The following BCOR variants were observed in gnomAD, a reference collection of about 807,000 sequenced individuals.
BCOR encodes the protein BCL-6 corepressor.
BCOR carries 10 observed loss-of-function variants against 86.7 expected under a neutral mutation model. That is an observed-to-expected ratio of 0.12 (90% confidence interval 0.07 to 0.20). The LOEUF (loss-of-function observed/expected upper bound fraction) is 0.20. BCOR is among the 10% of genes least tolerant of loss of function. The pLI, the probability that BCOR is intolerant of heterozygous loss-of-function variation, is 1.00. For missense variants in BCOR, 1,259 were observed against 1,452.1 expected, an observed-to-expected ratio of 0.87 and a Z score of 2.16; for synonymous variants, 611 against 609.0, an observed-to-expected ratio of 1.00 and a Z score of -0.05.
In BCOR at chrX:40,063,174, A is replaced by G. The variant is rs188997953; in HGVS notation, c.3848-103T>C. 1.2e-5 allele frequency: 7 copies of G among 560,082 alleles called. No homozygotes were observed. In the East Asian group the frequency reaches 2.5e-4, roughly 20 times the overall value. The allele number at this position is 560,082 out of a possible 1,213,427, so 46.2% of individuals were successfully genotyped here. ...GTGCAGGAAGAAAAGCCCATTGTTA[A>G]CACTGATCACTGGAGCGGCTTCAGT... On this transcript the variant is annotated intron_variant, in intron 8 of 14. Coordinates refer to ENST00000378444, the MANE Select transcript of BCOR (RefSeq NM_001123385.2).
At chrX:40,158,315 G>A (rs1437165186) in intron 1 of BCOR, among the ~76,000 whole-genome samples, 1 of 112,120 alleles carries the variant, frequency 8.9e-6, no homozygotes, top group East Asian at 2.8e-4. Context: ...GGACGCGGGC[G>A]GCTGCGCACC....
intron 1 of BCOR, among the ~76,000 whole-genome samples, chrX:40,131,886 GCCCGCTAGTTATTCGACACTCTT>G (rs1395050604): frequency 9.0e-6 from 1 of 111,288 alleles, no homozygotes; most frequent in Non-Finnish European, 1.9e-5. Flanking sequence ...TTTTAAACAC[GCCCGCTAGTTATTCGACACTCTT>G]CCCACCAAGA....
chrX:40,155,965 C>T (rs970805766), intron 1 of BCOR, among the ~76,000 whole-genome samples: 1 of 112,604 alleles, frequency 8.9e-6, no homozygotes, highest in Non-Finnish European at 1.9e-5. Context: ...TCCAAGTTCC[C>T]CAGCTACAGA....
At chrX:40,175,139 C>T (rs1169801604) in intron 1 of BCOR, among the ~76,000 whole-genome samples, 1 of 109,198 alleles carries the variant, frequency 9.2e-6, no homozygotes, top group Admixed American at 9.6e-5. Flanking sequence ...GTCATTTTTT[C>T]CATCGGTCGG....
Position 40,074,262 on chromosome X carries a change from C to T in BCOR, c.1084G>A (p.Ala362Thr), listed in dbSNP as rs886041140. ...DTYSEFHKHYARISTSPSVAL... is the reference protein window; with the variant it reads ...DTYSEFHKHYTRISTSPSVAL... Reference sequence around the variant, plus strand: ...ACTGAAGGAGAGGTGGAGATCCTGGCATAGTGCTTGTGGAACTCCGAGTAG... The same window carrying T: ...ACTGAAGGAGAGGTGGAGATCCTGGTATAGTGCTTGTGGAACTCCGAGTAG... Residue 362 changes from alanine (A) to threonine (T), a missense_variant, in exon 4 of 15, where the codon GCC (alanine) becomes ACC (threonine). Ala to Thr is a moderately conservative substitution (Grantham distance 58, BLOSUM62 0). Transcript: ENST00000378444. 1.7e-5 allele frequency: 21 copies of T among 1,210,612 alleles called. No homozygotes were observed. The highest frequency in any genetic ancestry group is 2.3e-5 in the Non-Finnish European group (21 of 895,330).
chrX:40,076,362 TC>T, intron 3 of BCOR, 91 bp downstream of exon 3: 1 of 750,997 alleles, frequency 1.3e-6, no homozygotes, highest in Non-Finnish European at 2.0e-6. Flanking sequence ...CCTCCCCCAT[TC>T]CCCACCCTTT....
At chrX:40,069,303 G>A (rs1935355067) in intron 6 of BCOR, among the ~76,000 whole-genome samples, 1 of 111,895 alleles carries the variant, frequency 8.9e-6, no homozygotes, top group Non-Finnish European at 1.9e-5. Flanking sequence ...CTCATTACCT[G>A]AGGAGCACTA....
chrX:40,155,622 G>T (rs949520328), intron 1 of BCOR, among the ~76,000 whole-genome samples: 4 of 110,688 alleles, frequency 3.6e-5, no homozygotes, highest in Non-Finnish European at 3.8e-5. Flanking sequence ...CCCTCCTGGC[G>T]CCTGGAAGTA....
chrX:40,117,549 T>C (rs1161720541), intron 1 of BCOR, among the ~76,000 whole-genome samples: 1 of 111,185 alleles, frequency 9.0e-6, no homozygotes, highest in Non-Finnish European at 1.9e-5. Context: ...GAATATGAAT[T>C]ATAATGTCAT....
chrX:40,164,815 A>C, intron 1 of BCOR, among the ~76,000 whole-genome samples: 1 of 112,663 alleles, frequency 8.9e-6, no homozygotes, highest in Non-Finnish European at 1.9e-5. Context: ...TACAAATCCC[A>C]CACCTTTTCA....
chrX:40,055,568 A>T lies in BCOR; in HGVS notation c.4596-55T>A, dbSNP rs1301489426. 12 of 1,187,043 alleles carry T rather than the reference A, an allele frequency of 1.0e-5. No homozygotes were observed. The African/African-American group carries it at 1.4e-4, about 14-fold the overall frequency. On this transcript the variant is annotated intron_variant, in intron 11 of 14. Coordinates refer to ENST00000378444, the MANE Select transcript of BCOR (RefSeq NM_001123385.2). ...TCATGCAAGCCACACTTGCTTATAA[A>T]GCAGTTGTCTCCTTTAAAAGCAACA...
chrX:40,074,807 T>A lies in BCOR; in HGVS notation c.539A>T (p.Asn180Ile). The A allele has an allele frequency of 8.3e-7, 1 of 1,212,011 alleles. No homozygotes were observed. The highest frequency in any genetic ancestry group is 1.1e-6 in the Non-Finnish European group (1 of 895,559). The change falls in exon 4 of 15, where the codon AAC becomes ATC. Residue 180 changes from asparagine to isoleucine, a missense_variant. By Grantham distance (149) the Asn-to-Ile change is moderately radical. Coordinates refer to ENST00000378444, the MANE Select transcript of BCOR (RefSeq NM_001123385.2). Reference protein sequence around the residue: ...RPASDKQSPLNINGASYLRLP... With the variant: ...RPASDKQSPLIINGASYLRLP... ...CCGCAGATAACTAGCACCATTGATG[T>A]TGAGAGGGCTCTGTTTGTCGCTGGC... is the stretch of plus-strand genomic sequence containing the variant.
chrX:40,175,336 G>A (rs1425195788), intron 1 of BCOR, among the ~76,000 whole-genome samples: 1 of 113,530 alleles, frequency 8.8e-6, no homozygotes, highest in African/African-American at 3.2e-5. Flanking sequence ...GATTTTCGCG[G>A]CCCGGGCCCG....
At chrX:40,166,234 C>T (rs1938505936) in intron 1 of BCOR, among the ~76,000 whole-genome samples, 1 of 112,021 alleles carries the variant, frequency 8.9e-6, no homozygotes, top group Admixed American at 9.5e-5. Flanking sequence ...GACAGTCCCT[C>T]CCCTTAGGGA....
At chrX:40,171,780 G>A (rs1938626364) in intron 1 of BCOR, among the ~76,000 whole-genome samples, 1 of 113,268 alleles carries the variant, frequency 8.8e-6, no homozygotes, top group Non-Finnish European at 1.9e-5. Flanking sequence ...ACCCGGAGAG[G>A]GAGCCGGAAA....
Position 40,109,451 on chromosome X carries a change from C to G in BCOR, c.-40-31482G>C, listed in dbSNP as rs1937259094. ...CCACGCCGGGCTTCAAAACAAAACT[C>G]CAGAGCGGGCGGCCAGGTACCCAGC... On this transcript the variant is annotated intron_variant, in intron 1 of 14. Transcript: ENST00000342274. Among the ~76,000 whole-genome samples the G allele has an allele frequency of 3.6e-5, 4 of 112,550 alleles. No homozygotes were observed. In the South Asian group the frequency reaches 1.4e-3, roughly 40 times the overall value.
At chrX:40,083,728 C>T (rs370154153) in intron 1 of BCOR, among the ~76,000 whole-genome samples, 2 of 112,558 alleles carry the variant, frequency 1.8e-5, no homozygotes, top group East Asian at 2.9e-4. Context: ...GCGGAGGTCC[C>T]AGCGCGCGGG....
chrX:40,080,815 C>CGTGTGTGTGT (rs533981374), intron 1 of BCOR, among the ~76,000 whole-genome samples: 1 of 65,996 alleles, frequency 1.5e-5, no homozygotes, highest in Non-Finnish European at 3.1e-5. Context: ...GGTTCACTGT[C>CGTGTGTGTGT]GTGTGTGTGT....
Position 40,072,815 on chromosome X carries a change from G to A in BCOR, c.2531C>T (p.Pro844Leu), listed in dbSNP as rs140780988. 5.0e-6 allele frequency: 6 copies of A among 1,209,794 alleles called. No homozygotes were observed. The African/African-American group carries it at 5.3e-5, about 11-fold the overall frequency. Residue 844 changes from proline (P) to leucine (L), a missense_variant, in exon 4 of 15, where the codon CCG becomes CTG. Around this residue, in one of 7 missense-constraint regions of BCOR, gnomAD observed 534 missense variants for 594.8 expected, o/e 0.90. Coordinates refer to ENST00000378444, the MANE Select transcript of BCOR (RefSeq NM_001123385.2). ...SAEPPKPSVE[P>L]ALQQHRDFIA... ...GAAATCACGGTGCTGCTGCAGGGCCGGCTCAACTGAGGGCTTGGGGGGCTC... is the reference window on the plus strand; with the variant it reads ...GAAATCACGGTGCTGCTGCAGGGCCAGCTCAACTGAGGGCTTGGGGGGCTC...
Sources: gnomAD v4.1 joint callset for allele counts (sites outside exome capture counted in the v4.1 genomes callset) on GRCh38, gnomAD v4.1.1 for gene constraint, gnomAD v4.1.1 regional missense constraint, MANE v1.5 for transcripts, NCBI Gene and HGNC (gene_info 2026-07-23, HGNC 2026-07-21) for gene names.